Variants in MYO1B observed in about 807,000 individuals in gnomAD.
MYO1B encodes the protein myosin IB, also known as unconventional myosin-Ib.
Under a neutral mutation model 159.7 loss-of-function variants are expected in MYO1B, and 72 were observed. The ratio of observed to expected loss-of-function variants is 0.45; its 90% CI spans 0.37 to 0.55. The LOEUF is 0.55. Among genes scored for constraint, MYO1B ranks in the 20% least tolerant of loss-of-function variants. The probability of loss-of-function intolerance (pLI) is 0.00; values close to 1 mark genes in which losing one functional copy is unlikely to be tolerated. For synonymous variants in MYO1B, 468 were observed against 473.8 expected, an observed-to-expected ratio of 0.99 and a Z score of 0.16; for missense variants, 1,062 against 1,364.8, an observed-to-expected ratio of 0.78 and a Z score of 3.50.
intron 3 of MYO1B, 42 bp from the exon 4 acceptor site, chr2:191,329,893 T>A: frequency 6.5e-7 from 1 of 1,546,398 alleles, no homozygotes; most frequent in Non-Finnish European, 8.9e-7. Context: ...CACATAATAA[T>A]GATCTGAAGT....
chr2:191,419,022 A>G (rs1269371560), intron 30 of MYO1B, among the ~76,000 whole-genome samples: 6 of 152,234 alleles, frequency 3.9e-5, no homozygotes, highest in Non-Finnish European at 8.8e-5. Context: ...AATGGAGCTG[A>G]AAAATTCTTC....
intron 30 of MYO1B, among the ~76,000 whole-genome samples, chr2:191,423,379 G>T (rs1160449821): frequency 6.6e-6 from 1 of 152,128 alleles, no homozygotes; most frequent in Admixed American, 6.5e-5. Flanking sequence ...GACTGTATAG[G>T]CCAGCTCCAT....
intron 3 of MYO1B, among the ~76,000 whole-genome samples, chr2:191,326,915 A>G (rs1226527996): frequency 1.3e-5 from 2 of 152,094 alleles, no homozygotes; most frequent in Admixed American, 6.6e-5. Context: ...AGCATGGGAA[A>G]AAGGTCTGTA....
intron 7 of MYO1B, among the ~76,000 whole-genome samples, chr2:191,358,571 C>T (rs1693451375): frequency 6.6e-6 from 1 of 152,178 alleles, no homozygotes; most frequent in African/African-American, 2.4e-5. Flanking sequence ...TCAAAAGGTG[C>T]CAAACATTAG....
chr2:191,354,127 A>T (rs1409901193), intron 7 of MYO1B, among the ~76,000 whole-genome samples: 1 of 152,014 alleles, frequency 6.6e-6, no homozygotes, highest in Non-Finnish European at 1.5e-5. Flanking sequence ...GTGGTGGCAC[A>T]CACCTGTAAT....
In MYO1B at chr2:191,313,653, G is replaced by A. The variant is rs187715016; in HGVS notation, c.252-16282G>A. 7.4e-4 allele frequency among the ~76,000 whole-genome samples: 112 copies of A among 152,284 alleles called. 1 individual carries two copies. Among genetic ancestry groups the A allele is most frequent in the Middle Eastern group, 3.4e-3 (1 of 294 alleles). On this transcript the variant is annotated intron_variant, in intron 3 of 30. Transcript: ENST00000392318. The stretch of plus-strand genomic sequence containing the variant: ...CCCGCCTCGGCCCCCCAAAGTGCTG[G>A]GATTACAGGCGTGAGCCACTGCGCC...
intron 20 of MYO1B, among the ~76,000 whole-genome samples, chr2:191,395,943 G>A (rs1002532153): frequency 6.6e-6 from 1 of 152,204 alleles, no homozygotes; most frequent in African/African-American, 2.4e-5. Context: ...TTGATTGATA[G>A]CAGTTTACTT....
chr2:191,352,871 A>G (rs917329531), intron 7 of MYO1B, among the ~76,000 whole-genome samples: 2 of 152,196 alleles, frequency 1.3e-5, no homozygotes, highest in African/African-American at 4.8e-5. Flanking sequence ...AAAGAAGCTA[A>G]AAGTTAGCTT....
intron 30 of MYO1B, among the ~76,000 whole-genome samples, chr2:191,418,265 G>A (rs978443119): frequency 2.6e-5 from 4 of 152,110 alleles, no homozygotes; most frequent in Non-Finnish European, 1.5e-5. Context: ...ATAGGCAGGG[G>A]CGCCTGTTCC....
At chr2:191,262,262 A>C (rs914283095) in intron 1 of MYO1B, among the ~76,000 whole-genome samples, 1 of 152,106 alleles carries the variant, frequency 6.6e-6, no homozygotes, top group Non-Finnish European at 1.5e-5. Flanking sequence ...CAGGAGCTCA[A>C]CTTTATTTTA....
intron 13 of MYO1B, among the ~76,000 whole-genome samples, chr2:191,377,165 A>G (rs956683268): frequency 6.6e-6 from 1 of 152,182 alleles, no homozygotes; most frequent in Non-Finnish European, 1.5e-5. Flanking sequence ...ATCCCAATCT[A>G]TAGTTGGTAA....
intron 20 of MYO1B, among the ~76,000 whole-genome samples, chr2:191,395,993 G>A (rs1330443833): frequency 6.6e-6 from 1 of 152,182 alleles, no homozygotes; most frequent in Non-Finnish European, 1.5e-5. Flanking sequence ...CAGAGTAAAA[G>A]TAGCAAACCT....
At chr2:191,309,600 C>G (rs1353748913) in intron 3 of MYO1B, among the ~76,000 whole-genome samples, 1 of 152,204 alleles carries the variant, frequency 6.6e-6, no homozygotes, top group Non-Finnish European at 1.5e-5. Context: ...ACCTCCCTGA[C>G]TGCATTTGTT....
At chr2:191,403,169 A>G (rs1281285422) in intron 24 of MYO1B, among the ~76,000 whole-genome samples, 1 of 152,172 alleles carries the variant, frequency 6.6e-6, no homozygotes, top group Admixed American at 6.5e-5. Flanking sequence ...CAGAGCGACC[A>G]TTGTTCTAAT....
At chr2:191,315,412 T>C (rs534611530) in intron 3 of MYO1B, among the ~76,000 whole-genome samples, 1 of 152,350 alleles carries the variant, frequency 6.6e-6, no homozygotes, top group South Asian at 2.1e-4. Context: ...GGCAGCTTAG[T>C]ATTTTATAGT....
intron 27 of MYO1B, 132 bp from the exon 28 acceptor site, chr2:191,413,916 T>C: frequency 1.2e-6 from 1 of 850,126 alleles, no homozygotes; most frequent in Non-Finnish European, 1.8e-6. Flanking sequence ...GTAAGTGTAA[T>C]ATATAAAATA....
chr2:191,356,940 T>G (rs1367634311), intron 7 of MYO1B, among the ~76,000 whole-genome samples: 2 of 152,242 alleles, frequency 1.3e-5, no homozygotes, highest in African/African-American at 4.8e-5. Flanking sequence ...ACAGGGTCTC[T>G]GCGAGCAGTC....
At chr2:191,270,698 T>C (rs1687404827) in intron 1 of MYO1B, among the ~76,000 whole-genome samples, 1 of 152,218 alleles carries the variant, frequency 6.6e-6, no homozygotes, top group African/African-American at 2.4e-5. Context: ...TCTTTTGCCT[T>C]TGTTTTGCCA....
At chr2:191,323,985 C>T (rs1690895458) in intron 3 of MYO1B, among the ~76,000 whole-genome samples, 1 of 152,058 alleles carries the variant, frequency 6.6e-6, no homozygotes, top group Admixed American at 6.6e-5. Context: ...CATGCTATGG[C>T]ATAGCATCTT....
Sources: allele counts gnomAD v4.1 joint callset (sites outside exome capture counted in the v4.1 genomes callset), GRCh38; gene constraint gnomAD v4.1.1; transcripts MANE v1.5; gene names NCBI Gene and HGNC (gene_info 2026-07-23, HGNC 2026-07-21).